TRIM13: variants seen among roughly 807,000 people sequenced by gnomAD.
TRIM13 encodes tripartite motif containing 13.
In TRIM13, 15 loss-of-function variants were observed where a neutral mutation model predicts 27.1. The observed-to-expected ratio is 0.55, with a 90% CI of 0.37 to 0.85. The LOEUF is 0.85. Ranked by LOEUF, TRIM13 falls within the 40% of genes least tolerant of loss-of-function variation. The pLI is 0.00. For synonymous variants in TRIM13, 193 were observed against 171.5 expected, an observed-to-expected ratio of 1.13 and a Z score of -0.98; for missense variants, 402 against 472.2, an observed-to-expected ratio of 0.85 and a Z score of 1.38.
chr13:50,011,504 G>A (rs1462018845), intron 1 of TRIM13, among the ~76,000 whole-genome samples: 5 of 152,180 alleles, frequency 3.3e-5, no homozygotes, highest in Admixed American at 3.3e-4. Context: ...TTATATTTCT[G>A]TGCTTCTTTC....
chr13:50,018,352 T>C lies in TRIM13; in HGVS notation c.*5188T>C, dbSNP rs1424130674. Reference sequence around the variant, plus strand: ...AGATGTTCTGTAACATTTTTCTCACTTTGACAAATGTTTTTAGACTGTACA... The same window carrying C: ...AGATGTTCTGTAACATTTTTCTCACCTTGACAAATGTTTTTAGACTGTACA... On this transcript the variant is annotated 3_prime_UTR_variant, in exon 2 of 2. Coordinates refer to ENST00000378182, the MANE Select transcript of TRIM13 (RefSeq NM_213590.3). The C allele has an allele frequency of 6.0e-6, 1 of 166,588 alleles. No individual in the cohort carries two copies. Among genetic ancestry groups the C allele is most frequent in the African/African-American group, 2.4e-5 (1 of 41,476 alleles). 10.3% of individuals were successfully genotyped at this position (166,588 alleles called of 1,614,324 possible).
chr13:50,015,816 C>G lies in TRIM13; in HGVS notation c.*2652C>G, dbSNP rs200397876. On this transcript the variant is annotated 3_prime_UTR_variant, in exon 2 of 2. Transcript: ENST00000378182. The stretch of plus-strand genomic sequence containing the variant: ...CCATACCTGCTACAGCCAAGACCTG[C>G]TCTTGTGGAGGTACATTTCCTAAGC... 1.9e-6 allele frequency: 3 copies of G among 1,614,142 alleles called. No individual in the cohort carries two copies. The Admixed American group carries it at 5.0e-5, about 27-fold the overall frequency.
Position 50,015,475 on chromosome 13 carries a change from A to G in TRIM13, c.*2311A>G, listed in dbSNP as rs777443957. 1 of 1,557,860 alleles carries G rather than the reference A, an allele frequency of 6.4e-7. No homozygotes were observed. Among genetic ancestry groups the G allele is most frequent in the Admixed American group, 1.7e-5 (1 of 57,316 alleles). The stretch of plus-strand genomic sequence containing the variant: ...CTAAGTGTGGCTGATGGTAGCCTCT[A>G]GTTTGAAGTGAGGGAAGAATGAGTA... On this transcript the variant is annotated 3_prime_UTR_variant, in exon 2 of 2. Coordinates refer to ENST00000378182, the MANE Select transcript of TRIM13 (RefSeq NM_213590.3).
rs759939017 is a variant in TRIM13, at chr13:50,012,329, C to G, written c.389C>G (p.Ser130Cys). The change falls in exon 2 of 2, where the codon TCT becomes TGT. Residue 130 changes from serine to cysteine, a missense_variant. By Grantham distance (112) the Ser-to-Cys change is moderately radical (BLOSUM62 -1). Around this residue, in one of 2 missense-constraint regions of TRIM13, gnomAD observed 202 missense variants for 277.5 expected, o/e 0.73. Coordinates refer to ENST00000378182, the MANE Select transcript of TRIM13 (RefSeq NM_213590.3). Reference protein sequence around the residue: ...RGEHTKHVFCSIEDAYAQERD... With the variant: ...RGEHTKHVFCCIEDAYAQERD... ...GAGCACACCAAACATGTCTTCTGTT[C>G]TATTGAAGATGCCTATGCTCAGGAA... The G allele has an allele frequency of 1.9e-6, 3 of 1,614,108 alleles. No homozygotes were observed. The highest frequency in any genetic ancestry group is 4.5e-5 in the East Asian group (2 of 44,872).
rs912421191 is a variant in TRIM13 at position 49,997,530 on chromosome 13, C to T, written c.-240C>T. The T allele has an allele frequency of 2.0e-5, 3 of 152,178 alleles. No homozygotes were observed. The highest frequency in any genetic ancestry group is 4.4e-5 in the Non-Finnish European group (3 of 68,048). The allele number at this position is 152,178 out of a possible 1,614,324, so 9.4% of individuals were successfully genotyped here. A position where few individuals can be genotyped will look rare whatever the true frequency, so the allele number is the denominator to read the frequency against. On this transcript the variant is annotated 5_prime_UTR_variant, in exon 1 of 2. Coordinates refer to ENST00000378182, the MANE Select transcript of TRIM13 (RefSeq NM_213590.3). ...CCGAGAAGCTGCTTAATACAAAGAG[C>T]TCCAGGCTCCTGGCGGTTCACCAGG...
In TRIM13 at chr13:50,014,535, T is replaced by C. The variant is rs1188772414; in HGVS notation, c.*1371T>C. On this transcript the variant is annotated 3_prime_UTR_variant, in exon 2 of 2. Transcript: ENST00000378182. Reference sequence around the variant, plus strand: ...CCAATCCACTTGCTTACAGAAAGAATGTTTAGTGTAGTTAAGACTAATTTG... The same window carrying C: ...CCAATCCACTTGCTTACAGAAAGAACGTTTAGTGTAGTTAAGACTAATTTG... The C allele has an allele frequency of 6.0e-6, 1 of 166,538 alleles. No homozygotes were observed. Among genetic ancestry groups the C allele is most frequent in the East Asian group, 1.9e-4 (1 of 5,178 alleles). 10.3% of individuals were successfully genotyped at this position (166,538 alleles called of 1,614,324 possible). A position where few individuals can be genotyped will look rare whatever the true frequency, so the allele number is the denominator to read the frequency against.
intron 1 of TRIM13, among the ~76,000 whole-genome samples, chr13:50,009,499 G>C (rs892324271): frequency 2.6e-5 from 4 of 152,122 alleles, no homozygotes; most frequent in Non-Finnish European, 4.4e-5. Flanking sequence ...CACTTTGGGA[G>C]GCTGAGGCGG....
At position 50,017,368 on chromosome 13, in the gene TRIM13, A is replaced by G. The variant is rs1039100928; in HGVS notation, c.*4204A>G. 6.0e-6 allele frequency: 1 copy of G among 167,092 alleles called. No homozygotes were observed. The allele number at this position is 167,092 out of a possible 1,614,324, so 10.4% of individuals were successfully genotyped here. Reference sequence around the variant, plus strand: ...ACGAAGTACTCTTTAAAAACCATGCATTTGGAGAAAGTAATTGTTTCCTTG... The same window carrying G: ...ACGAAGTACTCTTTAAAAACCATGCGTTTGGAGAAAGTAATTGTTTCCTTG... On this transcript the variant is annotated 3_prime_UTR_variant, in exon 2 of 2. Coordinates refer to ENST00000378182, the MANE Select transcript of TRIM13 (RefSeq NM_213590.3).
chr13:50,015,990 T>G lies in TRIM13; in HGVS notation c.*2826T>G, dbSNP rs2138445655. On this transcript the variant is annotated 3_prime_UTR_variant, in exon 2 of 2. Transcript: ENST00000378182. ...CCTCCTCAGATGACCTTACTTCCACTGCCTCCACAAAGACCTTCTTACCAT... is the reference window on the plus strand; with the variant it reads ...CCTCCTCAGATGACCTTACTTCCACGGCCTCCACAAAGACCTTCTTACCAT... 5 of 1,614,108 alleles carry G rather than the reference T, an allele frequency of 3.1e-6. No homozygotes were observed. The East Asian group carries it at 1.1e-4, about 36-fold the overall frequency.
chr13:50,000,363 G>A (rs571382831), intron 1 of TRIM13, among the ~76,000 whole-genome samples: 12 of 152,218 alleles, frequency 7.9e-5, no homozygotes, highest in African/African-American at 2.6e-4. Context: ...TGACCCAGAA[G>A]TACATTTAAA....
chr13:50,016,395 G>T lies in TRIM13; in HGVS notation c.*3231G>T, dbSNP rs1817284712. 8.0e-6 allele frequency: 2 copies of T among 250,996 alleles called. No homozygotes were observed. The highest frequency in any genetic ancestry group is 1.6e-5 in the Non-Finnish European group (2 of 121,928). The allele number at this position is 250,996 out of a possible 1,614,324, so 15.5% of individuals were successfully genotyped here. ...TTGCTAATGAATTTGACTTAGAAAA[G>T]AATTGCCTTATTTTTAAGAGATTGT... On this transcript the variant is annotated 3_prime_UTR_variant, in exon 2 of 2. Coordinates refer to ENST00000378182, the MANE Select transcript of TRIM13 (RefSeq NM_213590.3).
rs772137603 is a variant in TRIM13, at chr13:50,012,104, C to T, written c.164C>T (p.Pro55Leu). 16 of 1,614,076 alleles carry T rather than the reference C, an allele frequency of 9.9e-6. No homozygotes were observed. The highest frequency in any genetic ancestry group is 1.4e-5 in the Non-Finnish European group (16 of 1,180,002). The change falls in exon 2 of 2, where the codon CCT becomes CTT. Residue 55 changes from proline (P) to leucine (L), a missense_variant. Coordinates refer to ENST00000378182, the MANE Select transcript of TRIM13 (RefSeq NM_213590.3). Reference protein sequence around the residue: ...SLWRPAPFKCPTCRKETSATG... With the variant: ...SLWRPAPFKCLTCRKETSATG... ...TGGAGACCAGCTCCATTCAAGTGTCCTACATGCCGTAAGGAAACTTCAGCT... is the reference window on the plus strand; with the variant it reads ...TGGAGACCAGCTCCATTCAAGTGTCTTACATGCCGTAAGGAAACTTCAGCT...
intron 1 of TRIM13, 128 bp from the exon 2 acceptor site, chr13:50,011,807 C>G (rs1332632926): frequency 1.5e-5 from 17 of 1,158,254 alleles, no homozygotes; most frequent in Non-Finnish European, 2.4e-6. Flanking sequence ...CCAAATTTCT[C>G]ACTACTTTGT....
chr13:50,002,120 TG>T (rs1874112576), intron 1 of TRIM13, among the ~76,000 whole-genome samples: 1 of 152,054 alleles, frequency 6.6e-6, no homozygotes, highest in Non-Finnish European at 1.5e-5. Context: ...CTGGGCATGA[TG>T]GCTTATGCTT....
chr13:50,015,212 T>A lies in TRIM13; in HGVS notation c.*2048T>A. On this transcript the variant is annotated 3_prime_UTR_variant, in exon 2 of 2. Coordinates refer to ENST00000378182, the MANE Select transcript of TRIM13 (RefSeq NM_213590.3). ...TAAGACAGGAAAGGGATCTATTTGA[T>A]GTCTATCTTCAGATATATTGGCAGT... The A allele has an allele frequency of 4.7e-6, 1 of 212,504 alleles. No individual in the cohort carries two copies. Among genetic ancestry groups the A allele is most frequent in the Non-Finnish European group, 1.0e-5 (1 of 100,436 alleles). 13.2% of individuals were successfully genotyped at this position (212,504 alleles called of 1,614,324 possible). A position where few individuals can be genotyped will look rare whatever the true frequency, so the allele number is the denominator to read the frequency against.
intron 1 of TRIM13, among the ~76,000 whole-genome samples, chr13:50,003,728 T>C (rs183401194): frequency 5.9e-5 from 9 of 152,286 alleles, no homozygotes; most frequent in Middle Eastern, 3.4e-3. Context: ...TTGTAATCCT[T>C]CTTCTTTGTG....
intron 1 of TRIM13, among the ~76,000 whole-genome samples, chr13:49,999,678 A>T (rs1178587271): frequency 6.6e-6 from 1 of 152,204 alleles, no homozygotes; most frequent in Non-Finnish European, 1.5e-5. Flanking sequence ...ATTCCCAGAT[A>T]TAAAAATCCT....
intron 1 of TRIM13, among the ~76,000 whole-genome samples, chr13:50,007,699 T>C (rs1378100502): frequency 6.7e-6 from 1 of 149,418 alleles, no homozygotes; most frequent in Admixed American, 6.7e-5. Context: ...GGAGAATTGC[T>C]TGAACCCGGG....
chr13:50,013,091 A>C lies in TRIM13; in HGVS notation c.1151A>C (p.Glu384Ala). 6.2e-7 allele frequency: 1 copy of C among 1,612,888 alleles called. No individual in the cohort carries two copies. Among genetic ancestry groups the C allele is most frequent in the Non-Finnish European group, 8.5e-7 (1 of 1,179,678 alleles). The stretch of plus-strand genomic sequence containing the variant: ...ACAGATGGGTTTTTCATTTTCAATG[A>C]AAGATTCAAGAATTTTACTTTGGTG... ...QVTDGFFIFN[E>A]RFKNFTLVVL... Residue 384 changes from glutamate to alanine, a missense_variant, in exon 2 of 2, where the codon GAA becomes GCA. Coordinates refer to ENST00000378182, the MANE Select transcript of TRIM13 (RefSeq NM_213590.3).
Sources: gnomAD v4.1 joint callset for allele counts (sites outside exome capture counted in the v4.1 genomes callset) on GRCh38, gnomAD v4.1.1 for gene constraint, gnomAD v4.1.1 regional missense constraint, MANE v1.5 for transcripts, NCBI Gene and HGNC (gene_info 2026-07-23, HGNC 2026-07-21) for gene names.